The following PANK1 variants were observed in gnomAD, a reference collection of about 807,000 sequenced individuals.
The protein encoded by PANK1 is pantothenate kinase 1.
Under a neutral mutation model 40.1 loss-of-function variants are expected in PANK1, and 18 were observed. That is an observed-to-expected ratio of 0.45 (90% confidence interval 0.31 to 0.67). The LOEUF is 0.67. Among genes scored for constraint, PANK1 ranks in the 30% least tolerant of loss-of-function variants. The pLI is 0.06. For missense variants in PANK1, 457 were observed against 599.6 expected, an observed-to-expected ratio of 0.76 and a Z score of 2.48; for synonymous variants, 242 against 237.7, an observed-to-expected ratio of 1.02 and a Z score of -0.17.
At position 89,644,874 on chromosome 10, in the gene PANK1, C is replaced by T. The variant is rs1842068651; in HGVS notation, c.18G>A (p.Gly6=). The change falls in exon 1 of 7, where the codon GGG becomes GGA. Residue 6 remains glycine, a synonymous_variant. Coordinates refer to ENST00000307534, the MANE Select transcript of PANK1 (RefSeq NM_148977.3). MGDRS[G]QQERSVPHSP... is the part of the protein sequence containing the mutation. Reference sequence around the variant, plus strand: ...AGTGCGGGACCGAGCGCTCCTGCTGCCCGCTGCGGTCGCCCATGCCGGGGG... The same window carrying T: ...AGTGCGGGACCGAGCGCTCCTGCTGTCCGCTGCGGTCGCCCATGCCGGGGG... The T allele has an allele frequency of 2.7e-6, 4 of 1,491,092 alleles. No individual in the cohort carries two copies. The highest frequency in any genetic ancestry group is 2.7e-6 in the Non-Finnish European group (3 of 1,125,630). The allele number at this position is 1,491,092 out of a possible 1,614,324, so 92.4% of individuals were successfully genotyped here.
At chr10:89,641,109 C>G (rs188847562) in intron 1 of PANK1, among the ~76,000 whole-genome samples, 67 of 152,292 alleles carry the variant, frequency 4.4e-4, no homozygotes, top group African/African-American at 1.5e-3. Context: ...CTCCTGCTTT[C>G]CCTTTTAGTC....
At chr10:89,613,233 C>G (rs1403499469) in intron 1 of PANK1, among the ~76,000 whole-genome samples, 1 of 152,148 alleles carries the variant, frequency 6.6e-6, no homozygotes, top group Non-Finnish European at 1.5e-5. Context: ...CTCACAGAAT[C>G]CATTGGCAAA....
At chr10:89,633,131 C>T (rs1052072163) in intron 1 of PANK1, among the ~76,000 whole-genome samples, 3 of 146,320 alleles carry the variant, frequency 2.1e-5, no homozygotes, top group African/African-American at 4.9e-5. Flanking sequence ...CCAGTTTCCA[C>T]GGTGTATATA....
In PANK1 at chr10:89,593,283, T is replaced by C. The variant is rs373956609; in HGVS notation, c.1114A>G (p.Ile372Val). The change falls in exon 5 of 7, where the codon ATC becomes GTC. Residue 372 changes from isoleucine to valine, a missense_variant. Ile to Val is a conservative substitution (Grantham distance 29). This residue lies in a region of PANK1 where 286 missense variants were observed against 415.8 expected (regional missense o/e 0.69). Coordinates refer to ENST00000307534, the MANE Select transcript of PANK1 (RefSeq NM_148977.3). ...GCCCGGGCGAGGTCTTCCTTGCTGA[T>C]GGAATCTCGCTTTTCTTTACTCATC... Reference protein sequence around the residue: ...NMMSKEKRDSISKEDLARATL... With the variant: ...NMMSKEKRDSVSKEDLARATL... 5.8e-5 allele frequency: 94 copies of C among 1,613,682 alleles called. No individual in the cohort carries two copies. Among genetic ancestry groups the C allele is most frequent in the Non-Finnish European group, 7.8e-5 (92 of 1,179,780 alleles).
chr10:89,607,972 T>C (rs1444295994), intron 2 of PANK1, among the ~76,000 whole-genome samples: 1 of 152,130 alleles, frequency 6.6e-6, no homozygotes, highest in Middle Eastern at 3.2e-3. Flanking sequence ...TGATAACTCA[T>C]TGATTTTGAA....
chr10:89,622,994 T>C (rs903408380), intron 1 of PANK1, among the ~76,000 whole-genome samples: 4 of 152,184 alleles, frequency 2.6e-5, no homozygotes, highest in African/African-American at 9.7e-5. Flanking sequence ...TAGGACATCA[T>C]TTAATGATGT....
At chr10:89,587,760 T>A (rs997607898) in intron 6 of PANK1, among the ~76,000 whole-genome samples, 1 of 152,242 alleles carries the variant, frequency 6.6e-6, no homozygotes. Context: ...CTTTCATTAA[T>A]GATTACTCAT....
chr10:89,596,619 A>G (rs1465745088), intron 3 of PANK1, among the ~76,000 whole-genome samples: 2 of 152,234 alleles, frequency 1.3e-5, no homozygotes, highest in African/African-American at 4.8e-5. Flanking sequence ...CTTGCTCACA[A>G]TCAGATGCAT....
chr10:89,582,497 C>T (rs1306273578), downstream of PANK1: 1 of 152,198 alleles, frequency 6.6e-6, no homozygotes, highest in Non-Finnish European at 1.5e-5. Flanking sequence ...AATACAGTCA[C>T]ACTAACTTGC....
intron 3 of PANK1, among the ~76,000 whole-genome samples, chr10:89,598,832 T>G (rs996338289): frequency 6.6e-6 from 1 of 152,184 alleles, no homozygotes; most frequent in Non-Finnish European, 1.5e-5. Flanking sequence ...TTTGGTTTGC[T>G]GTTTGGAATG....
At chr10:89,592,690 C>A in intron 5 of PANK1, 1 of 530,930 alleles carries the variant, frequency 1.9e-6, no homozygotes, top group Non-Finnish European at 3.9e-6. Context: ...TTGTATGTCA[C>A]CAGCTCCACC....
intron 1 of PANK1, among the ~76,000 whole-genome samples, chr10:89,618,153 C>T (rs1845377469): frequency 6.6e-6 from 1 of 152,216 alleles, no homozygotes; most frequent in African/African-American, 2.4e-5. Flanking sequence ...GGACCCTTCT[C>T]CACCTACAAG....
At chr10:89,641,207 T>C (rs564421333) in intron 1 of PANK1, among the ~76,000 whole-genome samples, 1 of 152,368 alleles carries the variant, frequency 6.6e-6, no homozygotes, top group South Asian at 2.1e-4. Context: ...TATGCATCCA[T>C]ACTCTATGCA....
chr10:89,586,968 T>C (rs1298468623), intron 6 of PANK1, among the ~76,000 whole-genome samples: 2 of 151,814 alleles, frequency 1.3e-5, no homozygotes. Flanking sequence ...ACTAAAAATA[T>C]GAAAATTAGC....
At chr10:89,592,468 C>T (rs951284237) in intron 5 of PANK1, among the ~76,000 whole-genome samples, 2 of 152,136 alleles carry the variant, frequency 1.3e-5, no homozygotes, top group African/African-American at 2.4e-5. Flanking sequence ...TATGTCACCT[C>T]TATTAAAAGC....
chr10:89,643,689 G>A (rs1425513636), intron 1 of PANK1: 1 of 1,603,148 alleles, frequency 6.2e-7, no homozygotes, highest in Non-Finnish European at 8.5e-7. Flanking sequence ...AGCATTTACT[G>A]TACTTACTTT....
intron 2 of PANK1, among the ~76,000 whole-genome samples, chr10:89,601,294 C>T (rs555987943): frequency 4.0e-5 from 5 of 125,566 alleles, no homozygotes; most frequent in East Asian, 2.3e-4. Flanking sequence ...GGGCAATATA[C>T]GGAGACCCAT....
chr10:89,588,207 C>T (rs981294104), intron 6 of PANK1, among the ~76,000 whole-genome samples: 2 of 151,808 alleles, frequency 1.3e-5, no homozygotes, highest in Non-Finnish European at 2.9e-5. Flanking sequence ...AAAAAAAATC[C>T]ATTCATCTGC....
At chr10:89,619,330 T>C in intron 1 of PANK1, among the ~76,000 whole-genome samples, 1 of 152,132 alleles carries the variant, frequency 6.6e-6, no homozygotes, top group East Asian at 1.9e-4. Flanking sequence ...GCAGTAGCTA[T>C]CAAGTATACA....
Sources: allele counts gnomAD v4.1 joint callset (sites outside exome capture counted in the v4.1 genomes callset), GRCh38; gene constraint gnomAD v4.1.1; regional missense constraint gnomAD v4.1.1; transcripts MANE v1.5; gene names NCBI Gene and HGNC (gene_info 2026-07-23, HGNC 2026-07-21).